The following IQCB1 variants were observed in gnomAD, a reference collection of about 807,000 sequenced individuals.
The protein encoded by IQCB1 is IQ calmodulin-binding motif-containing protein 1.
In IQCB1, 56 loss-of-function variants were observed where a neutral mutation model predicts 84.4. The observed-to-expected ratio is 0.66, with a 90% CI of 0.54 to 0.83. The LOEUF (loss-of-function observed/expected upper bound fraction) is 0.83, where lower values mean the gene tolerates loss of function less well. Among genes scored for constraint, IQCB1 ranks in the 40% least tolerant of loss-of-function variants. The pLI is 0.00. For missense variants in IQCB1, 629 were observed against 682.1 expected (o/e 0.92, Z 0.87); for synonymous variants, 210 against 234.8 (o/e 0.89, Z 0.96).
intron 5 of IQCB1, among the ~76,000 whole-genome samples, chr3:121,816,930 A>G (rs1950085099): frequency 6.6e-6 from 1 of 152,230 alleles, no homozygotes; most frequent in African/African-American, 2.4e-5. Flanking sequence ...AAGGATTATA[A>G]ATCATTCTAC....
chr3:121,824,614 GAAAAA>G (rs777664822), intron 5 of IQCB1, among the ~76,000 whole-genome samples: 1 of 113,242 alleles, frequency 8.8e-6, no homozygotes, highest in Non-Finnish European at 1.9e-5. Context: ...GAGTAAGGTT[GAAAAA>G]AAAAAAAAAG....
Position 121,820,892 on chromosome 3 carries a change from G to A in IQCB1, c.393+5159C>T, listed in dbSNP as rs532862710. Among the ~76,000 whole-genome samples the A allele has an allele frequency of 4.6e-4, 68 of 149,294 alleles. 1 individual carries two copies. Among genetic ancestry groups the A allele is most frequent in the South Asian group, 1.9e-3 (9 of 4,714 alleles). ...ATAATTTAAAATGGTCTCTTCTTCC[G>A]CTCTCTCCAGCATACTCTTATGTCT... is the stretch of plus-strand genomic sequence containing the variant. On this transcript the variant is annotated intron_variant, in intron 5 of 14. Coordinates refer to ENST00000310864, the MANE Select transcript of IQCB1 (RefSeq NM_001023570.4).
chr3:121,821,937 G>T (rs1249228604), intron 5 of IQCB1, among the ~76,000 whole-genome samples: 4 of 152,176 alleles, frequency 2.6e-5, no homozygotes, highest in African/African-American at 9.7e-5. Flanking sequence ...TCCTTAATGT[G>T]GGTGGGCCTC....
chr3:121,822,753 A>T (rs796977357), intron 5 of IQCB1, among the ~76,000 whole-genome samples: 9 of 152,336 alleles, frequency 5.9e-5, no homozygotes, highest in African/African-American at 2.2e-4. Context: ...TCTAATGGCA[A>T]AACTGAAGTA....
rs779129472 is a variant in IQCB1, at chr3:121,770,299, T to C, written c.*46A>G. ...CAGCATGCCAGAGGCAGAACCAATA[T>C]AATCTCCTAAAATATGAGATTTGTG... On this transcript the variant is annotated 3_prime_UTR_variant, in exon 15 of 15. Coordinates refer to ENST00000310864, the MANE Select transcript of IQCB1 (RefSeq NM_001023570.4). The C allele has an allele frequency of 7.6e-7, 1 of 1,317,920 alleles. No individual in the cohort carries two copies. The highest frequency in any genetic ancestry group is 1.1e-6 in the Non-Finnish European group (1 of 913,936). 81.6% of individuals were successfully genotyped at this position (1,317,920 alleles called of 1,614,324 possible).
chr3:121,790,127 C>A lies in IQCB1; in HGVS notation c.1075G>T (p.Ala359Ser), dbSNP rs1559765518. Residue 359 changes from alanine to serine, a missense_variant, in exon 11 of 15, where the codon GCC becomes TCC. Physicochemically the swap from Ala to Ser is moderately conservative, Grantham distance 99. Coordinates refer to ENST00000310864, the MANE Select transcript of IQCB1 (RefSeq NM_001023570.4). ...TGCAATTCTCGGGAAAGTCTCATGG[C>A]TCTCTGTCTTTGAAGTTGCAATTGT... is the stretch of plus-strand genomic sequence containing the variant. Reference protein sequence around the residue: ...KLQLQLQRQRAMRLSRELQLS... With the variant: ...KLQLQLQRQRSMRLSRELQLS... 1.9e-6 allele frequency: 3 copies of A among 1,613,598 alleles called. No homozygotes were observed. The Admixed American group carries it at 5.0e-5, about 27-fold the overall frequency.
intron 7 of IQCB1, among the ~76,000 whole-genome samples, chr3:121,801,013 C>A (rs1450409439): frequency 2.0e-5 from 3 of 151,900 alleles, no homozygotes; most frequent in Admixed American, 2.0e-4. Flanking sequence ...TTCTGTGATA[C>A]AAAGTTCTGG....
In IQCB1 at chr3:121,826,081, T is replaced by C. The variant is rs1950456715; in HGVS notation, c.363A>G (p.Gln121=). Residue 121 remains glutamine, a synonymous_variant, in exon 5 of 15, where the codon CAA becomes CAG. Transcript: ENST00000310864. The stretch of plus-strand genomic sequence containing the variant: ...CTGCATTGATAAAACATGTTTGTAA[T>C]TGTCTCCCCAAAACTAGAAAATTTT... ...AAENFLVLGR[Q]LQTCFINAAK... 3 of 1,613,394 alleles carry C rather than the reference T, an allele frequency of 1.9e-6. No individual in the cohort carries two copies. Among genetic ancestry groups the C allele is most frequent in the South Asian group, 2.2e-5 (2 of 91,046 alleles).
At chr3:121,801,644 T>C (rs368885110) in intron 7 of IQCB1, among the ~76,000 whole-genome samples, 2 of 152,020 alleles carry the variant, frequency 1.3e-5, no homozygotes, top group East Asian at 3.8e-4. Context: ...GTTTGACATG[T>C]TTCACCAACA....
intron 5 of IQCB1, among the ~76,000 whole-genome samples, chr3:121,818,958 T>C (rs969100341): frequency 1.3e-5 from 2 of 152,172 alleles, no homozygotes; most frequent in Non-Finnish European, 2.9e-5. Context: ...GAAAATCAAC[T>C]TAAAGTTAGA....
Position 121,826,152 on chromosome 3 carries a change from C to G in IQCB1, c.292G>C (p.Glu98Gln). 2 of 1,613,806 alleles carry G rather than the reference C, an allele frequency of 1.2e-6. No individual in the cohort carries two copies. The highest frequency in any genetic ancestry group is 1.7e-6 in the Non-Finnish European group (2 of 1,179,740). Residue 98 changes from glutamate (E) to glutamine (Q), a missense_variant, in exon 5 of 15, where the codon GAA becomes CAA. Physicochemically the swap from Glu to Gln is conservative, Grantham distance 29. Transcript: ENST00000310864. ...TCATTGTAAAATTCCTCTGCATCTT[C>G]TCCTGGCTCCAAGCCCACACAGCAA... ...SHCCVGLEPG[E>Q]DAEEFYNELL...
At chr3:121,809,111 GGATCTAACTTAGCTATTTATGAGGGACAT>G (rs1395526427) in intron 5 of IQCB1, 102 bp from the exon 6 acceptor site, 1 of 683,824 alleles carries the variant, frequency 1.5e-6, no homozygotes, top group African/African-American at 1.9e-5. Context: ...TACAGTTTCT[GGATCTAACTTAGCTATTTATGAGGGACAT>G]GATTTTGTTG....
chr3:121,785,398 G>GT (rs1948667059), intron 12 of IQCB1, among the ~76,000 whole-genome samples: 2 of 152,058 alleles, frequency 1.3e-5, no homozygotes, highest in Non-Finnish European at 2.9e-5. Flanking sequence ...GGGACTACCA[G>GT]TACATGCTAC....
chr3:121,833,157 T>C (rs141071351), intron 2 of IQCB1, among the ~76,000 whole-genome samples: 72 of 152,302 alleles, frequency 4.7e-4, no homozygotes, highest in Non-Finnish European at 9.3e-4. Flanking sequence ...TTGGAACAAT[T>C]CCTGGCACAT....
At chr3:121,804,984 C>A (rs1039830388) in intron 7 of IQCB1, among the ~76,000 whole-genome samples, 16 of 152,048 alleles carry the variant, frequency 1.1e-4, no homozygotes, top group African/African-American at 3.9e-4. Flanking sequence ...GCTGTTAATC[C>A]CATCCAGTGT....
At chr3:121,782,180 C>T (rs1948523797) in intron 12 of IQCB1, among the ~76,000 whole-genome samples, 1 of 152,174 alleles carries the variant, frequency 6.6e-6, no homozygotes, top group South Asian at 2.1e-4. Context: ...GGGCAAGGCA[C>T]TTGATCTCTA....
Position 121,810,910 on chromosome 3 carries a change from G to A in IQCB1, c.394-1901C>T, listed in dbSNP as rs566587941. The stretch of plus-strand genomic sequence containing the variant: ...GCTAACATCCCACAAAATGCCAGTG[G>A]AGATATCAGAAATGGAATTTGTAAC... On this transcript the variant is annotated intron_variant, in intron 5 of 14. Transcript: ENST00000310864. Among the ~76,000 whole-genome samples the A allele has an allele frequency of 3.9e-5, 6 of 152,258 alleles. No individual in the cohort carries two copies. In the South Asian group the frequency reaches 1.2e-3, roughly 32 times the overall value.
intron 13 of IQCB1, among the ~76,000 whole-genome samples, chr3:121,777,368 C>A (rs1179498576): frequency 6.6e-6 from 1 of 152,120 alleles, no homozygotes; most frequent in Non-Finnish European, 1.5e-5. Context: ...TACCCTATTG[C>A]TCTTAGGCTA....
chr3:121,774,315 C>A (rs986844026), intron 13 of IQCB1, among the ~76,000 whole-genome samples: 1 of 152,150 alleles, frequency 6.6e-6, no homozygotes, highest in Admixed American at 6.5e-5. Flanking sequence ...AACTGGAACC[C>A]TGTGTGTGAC....
Sources: allele counts gnomAD v4.1 joint callset (sites outside exome capture counted in the v4.1 genomes callset), GRCh38; gene constraint gnomAD v4.1.1; transcripts MANE v1.5; gene names NCBI Gene and HGNC (gene_info 2026-07-23, HGNC 2026-07-21).